PPP4R3A: variants seen among roughly 807,000 people sequenced by gnomAD.
The protein encoded by PPP4R3A is serine/threonine-protein phosphatase 4 regulatory subunit 3A.
A neutral mutation model predicts 91.7 loss-of-function variants in PPP4R3A; 15 were observed. The observed-to-expected ratio is 0.16, with a 90% confidence interval of 0.11 to 0.25. The LOEUF is 0.25. Among genes scored for constraint, PPP4R3A ranks in the 10% least tolerant of loss-of-function variants. The pLI is 1.00. For synonymous variants in PPP4R3A, 377 were observed against 348.7 expected, an observed-to-expected ratio of 1.08 and a Z score of -0.91; for missense variants, 623 against 998.4, an observed-to-expected ratio of 0.62 and a Z score of 5.07.
chr14:91,477,069 G>A, intron 4 of PPP4R3A, 83 bp from the exon 5 acceptor site: 2 of 970,090 alleles, frequency 2.1e-6, no homozygotes, highest in Non-Finnish European at 2.9e-6. Flanking sequence ...AATATACACA[G>A]CAATAACTAT....
intron 4 of PPP4R3A, among the ~76,000 whole-genome samples, chr14:91,479,570 T>C (rs1439055450): frequency 1.3e-5 from 2 of 151,842 alleles, no homozygotes; most frequent in African/African-American, 4.8e-5. Context: ...TGAGACAGAA[T>C]TTCACTCCTG....
At chr14:91,472,900 A>C in intron 9 of PPP4R3A, 133 bp downstream of exon 9, 1 of 736,112 alleles carries the variant, frequency 1.4e-6, no homozygotes, top group Non-Finnish European at 2.3e-6. Context: ...TTTAAAGACT[A>C]CTACTTTTTA....
At chr14:91,500,931 CTGAGGCAGGACGACTGCT>C (rs1174330668) in intron 1 of PPP4R3A, among the ~76,000 whole-genome samples, 1 of 152,102 alleles carries the variant, frequency 6.6e-6, no homozygotes. Flanking sequence ...ACTTGGGAAG[CTGAGGCAGGACGACTGCT>C]TGAACCCAGA....
Position 91,473,277 on chromosome 14 carries a change from T to C in PPP4R3A, c.1360A>G (p.Thr454Ala). The change falls in exon 8 of 15, where the codon ACT becomes GCT. Residue 454 changes from threonine (T) to alanine (A), a missense_variant. Physicochemically the swap from Thr to Ala is moderately conservative, Grantham distance 58. Transcript: ENST00000554943. Reference sequence around the variant, plus strand: ...AGCATGTTCTCTGGGTCAACTAAAGTTCGAAGCAGGCCCATAAGCTGGACT... The same window carrying C: ...AGCATGTTCTCTGGGTCAACTAAAGCTCGAAGCAGGCCCATAAGCTGGACT... ...GAVQLMGLLRTLVDPENMLAT... is the reference protein window; with the variant it reads ...GAVQLMGLLRALVDPENMLAT... 6.2e-7 allele frequency: 1 copy of C among 1,614,058 alleles called. No individual in the cohort carries two copies.
At chr14:91,506,465 A>T (rs1239891707) in intron 1 of PPP4R3A, among the ~76,000 whole-genome samples, 1 of 152,194 alleles carries the variant, frequency 6.6e-6, no homozygotes, top group African/African-American at 2.4e-5. Context: ...TATTATCCCT[A>T]TTTAGATGTG....
At chr14:91,500,408 C>A (rs1890874162) in intron 1 of PPP4R3A, among the ~76,000 whole-genome samples, 1 of 152,056 alleles carries the variant, frequency 6.6e-6, no homozygotes, top group Non-Finnish European at 1.5e-5. Context: ...ACCATATTGG[C>A]CAAGATGTTC....
At position 91,487,215 on chromosome 14, in the gene PPP4R3A, A is replaced by G. The variant is rs1192392246; in HGVS notation, c.199-1485T>C. On this transcript the variant is annotated intron_variant, in intron 2 of 14. Transcript: ENST00000554943. Reference sequence around the variant, plus strand: ...CAGTGATCCGAGATCGTGCCACTGCACTCCAGCCTGGGTGACAGAGTGAGA... The same window carrying G: ...CAGTGATCCGAGATCGTGCCACTGCGCTCCAGCCTGGGTGACAGAGTGAGA... 2.2e-5 allele frequency among the ~76,000 whole-genome samples: 3 copies of G among 137,928 alleles called. No homozygotes were observed. The Admixed American group carries it at 2.5e-4, about 12-fold the overall frequency. 90.5% of individuals were successfully genotyped at this position (137,928 alleles called of 152,430 possible). A position where few individuals can be genotyped will look rare whatever the true frequency, so the allele number is the denominator to read the frequency against.
intron 1 of PPP4R3A, 141 bp downstream of exon 1, chr14:91,509,365 G>A: frequency 8.3e-7 from 1 of 1,209,854 alleles, no homozygotes; most frequent in Non-Finnish European, 1.1e-6. Context: ...GGGTACCTGG[G>A]GCCCGTCCTC....
intron 4 of PPP4R3A, 35 bp downstream of exon 4, chr14:91,481,541 T>C (rs2140113632): frequency 6.6e-7 from 1 of 1,504,682 alleles, no homozygotes; most frequent in African/African-American, 1.4e-5. Context: ...TCGCTGCATC[T>C]CTTGAAATAT....
chr14:91,462,615 C>T, intron 12 of PPP4R3A, 120 bp downstream of exon 12: 2 of 1,120,680 alleles, frequency 1.8e-6, no homozygotes, highest in East Asian at 2.4e-5. Flanking sequence ...GCTACAATTT[C>T]TATTTGCTAT....
At chr14:91,462,703 G>C (rs1422166703) in intron 12 of PPP4R3A, 32 bp downstream of exon 12, 2 of 1,611,950 alleles carry the variant, frequency 1.2e-6, no homozygotes, top group South Asian at 2.2e-5. Flanking sequence ...ACTTGATGCT[G>C]AACGAATAGG....
chr14:91,491,257 G>A (rs1003681630), intron 1 of PPP4R3A, among the ~76,000 whole-genome samples: 17 of 151,554 alleles, frequency 1.1e-4, no homozygotes, highest in South Asian at 2.1e-4. Context: ...ATAGAGTCTC[G>A]CTATGTTGCC....
chr14:91,477,869 G>C (rs1889304273), intron 4 of PPP4R3A, among the ~76,000 whole-genome samples: 2 of 152,230 alleles, frequency 1.3e-5, no homozygotes, highest in South Asian at 4.1e-4. Flanking sequence ...GTCTGGTCTT[G>C]AACTCGTGGC....
chr14:91,468,714 T>G (rs1432333214), intron 10 of PPP4R3A, among the ~76,000 whole-genome samples: 1 of 114,640 alleles, frequency 8.7e-6, no homozygotes, highest in South Asian at 3.1e-4. Flanking sequence ...AAAGACCAAG[T>G]ATACTTTGTC....
rs569637701 is a variant in PPP4R3A at position 91,498,784 on chromosome 14, G to A, written c.143-7982C>T. Among the ~76,000 whole-genome samples the A allele has an allele frequency of 1.9e-3, 295 of 151,876 alleles. 1 individual carries two copies. Among genetic ancestry groups the A allele is most frequent in the African/African-American group, 6.9e-3 (286 of 41,416 alleles). Reference sequence around the variant, plus strand: ...AAAAAATTAGCCAGGCGTGGTGGTGGGCGCCTGTAGTCCCAGCCACTCGGG... The same window carrying A: ...AAAAAATTAGCCAGGCGTGGTGGTGAGCGCCTGTAGTCCCAGCCACTCGGG... On this transcript the variant is annotated intron_variant, in intron 1 of 14. Coordinates refer to ENST00000554943, the MANE Select transcript of PPP4R3A (RefSeq NM_001366432.2).
chr14:91,470,691 T>C (rs1446324087), intron 10 of PPP4R3A, 146 bp downstream of exon 10: 1 of 852,516 alleles, frequency 1.2e-6, no homozygotes, highest in Non-Finnish European at 1.8e-6. Context: ...CTGCTCAACA[T>C]GGCAAACCTG....
At chr14:91,476,666 A>T (rs1889226415) in intron 5 of PPP4R3A, 142 bp from the exon 6 acceptor site, 5 of 682,206 alleles carry the variant, frequency 7.3e-6, no homozygotes, top group Admixed American at 3.0e-5. Context: ...CCCGAGTTCA[A>T]GCGATTCTCC....
chr14:91,497,594 T>C (rs567133141), intron 1 of PPP4R3A, among the ~76,000 whole-genome samples: 1 of 152,250 alleles, frequency 6.6e-6, no homozygotes, highest in Non-Finnish European at 1.5e-5. Context: ...TCCTAACAAG[T>C]TCTAATGTCT....
intron 14 of PPP4R3A, 89 bp downstream of exon 14, chr14:91,461,292 G>T: frequency 8.6e-7 from 1 of 1,157,026 alleles, no homozygotes; most frequent in Non-Finnish European, 1.3e-6. Flanking sequence ...GTTCTAGGTG[G>T]CAGTAACCAA....
Sources: gnomAD v4.1 joint callset for allele counts (sites outside exome capture counted in the v4.1 genomes callset) on GRCh38, gnomAD v4.1.1 for gene constraint, MANE v1.5 for transcripts, NCBI Gene and HGNC (gene_info 2026-07-23, HGNC 2026-07-21) for gene names.